Variants in NLRP2 observed in about 807,000 individuals in gnomAD.
The protein encoded by NLRP2 is NACHT, LRR and PYD domains-containing protein 2.
In NLRP2, 107 loss-of-function variants were observed where a neutral mutation model predicts 97.2. That is an observed-to-expected ratio of 1.10 (90% CI 0.94 to 1.29). The LOEUF (loss-of-function observed/expected upper bound fraction) is 1.29. NLRP2 is among the 50% of genes most tolerant of loss of function. The pLI, the probability that NLRP2 is intolerant of heterozygous loss-of-function variation, is 0.00. For missense variants in NLRP2, 1,495 were observed against 1,330.3 expected (o/e 1.12, Z -1.93); for synonymous variants, 663 against 551.5 (o/e 1.20, Z -2.83).
Position 55,000,947 on chromosome 19 carries a change from T to TTGG in NLRP2, c.*52_*54dup. 14 of 1,587,532 alleles carry TTGG rather than the reference T, an allele frequency of 8.8e-6. No homozygotes were observed. Among genetic ancestry groups the TTGG allele is most frequent in the Non-Finnish European group, 1.2e-5 (14 of 1,157,134 alleles). ...CATGAAGTCATCGATTTTCCAGGTG[T>TTGG]TGGTGAACTGCCTGTGACTCCTCTC... On this transcript the variant is annotated 3_prime_UTR_variant, in exon 13 of 13. Transcript: ENST00000448584.
At chr19:54,968,025 TCTCGTGC>T (rs1159892681) in intron 1 of NLRP2, among the ~76,000 whole-genome samples, 3 of 150,800 alleles carry the variant, frequency 2.0e-5, no homozygotes, top group Non-Finnish European at 4.4e-5. Flanking sequence ...TTCAAGCAAT[TCTCGTGC>T]CTCAGCCTTC....
Position 54,976,056 on chromosome 19 carries a change from C to CT in NLRP2, c.325+1523dup, listed in dbSNP as rs75652002. On this transcript the variant is annotated intron_variant, in intron 3 of 12. Transcript: ENST00000448584. ...GATTCACCACACCTGGCCATGAAGA[C>CT]TTTTTTTTTTTGGACAAAGTCTCAC... 9.0e-3 allele frequency among the ~76,000 whole-genome samples: 1,334 copies of CT among 148,514 alleles called. 6 individuals are homozygous for CT. Among genetic ancestry groups the CT allele is most frequent in the African/African-American group, 0.011 (461 of 40,494 alleles).
intron 10 of NLRP2, among the ~76,000 whole-genome samples, chr19:54,991,900 C>T (rs190659677): frequency 2.1e-5 from 3 of 143,494 alleles, no homozygotes; most frequent in Admixed American, 7.1e-5. Flanking sequence ...TTCAGAGATT[C>T]GATTTTATGT....
At chr19:54,970,770 C>CTTTTTTTTTTTTTTTTTTTTCT (rs34406686) in intron 2 of NLRP2, among the ~76,000 whole-genome samples, 1 of 108,474 alleles carries the variant, frequency 9.2e-6, no homozygotes, top group East Asian at 2.9e-4. Flanking sequence ...CTACCTACTT[C>CTTTTTTTTTTTTTTTTTTTTCT]TTTTTTTTTT....
intron 8 of NLRP2, chr19:54,989,580 C>T: frequency 3.9e-6 from 1 of 259,054 alleles, no homozygotes; most frequent in Non-Finnish European, 7.5e-6. Flanking sequence ...GATGTTGGTG[C>T]CACTGGTCTG....
rs546029935 is a variant in NLRP2, at chr19:54,982,115, G to T, written c.464-47G>T. On this transcript the variant is annotated intron_variant, in intron 5 of 12. Transcript: ENST00000448584. ...TTTGTTATTTTGGTTTTCCCTATGG[G>T]TAACTGATTGCATCCTCTCTCCCTT... The T allele has an allele frequency of 1.4e-5, 23 of 1,612,250 alleles. No homozygotes were observed. The African/African-American group carries it at 2.8e-4, about 20-fold the overall frequency.
Position 54,983,036 on chromosome 19 carries a change from G to A in NLRP2, c.1338G>A (p.Ala446=), listed in dbSNP as rs748908643. The A allele has an allele frequency of 8.7e-6, 14 of 1,610,790 alleles. No individual in the cohort carries two copies. Among genetic ancestry groups the A allele is most frequent in the Admixed American group, 6.7e-5 (4 of 59,886 alleles). The part of the protein sequence containing the change: ...RFPQGAQLRG[A]LRTLSLLAAQ... ...CGCAGGGCGCACAGCTGCGGGGCGC[G>A]CTGCGGACGCTGAGCCTCCTGGCCG... is the stretch of plus-strand genomic sequence containing the variant. Residue 446 remains alanine, a synonymous_variant, in exon 6 of 13, where the codon GCG becomes GCA. Coordinates refer to ENST00000448584, the MANE Select transcript of NLRP2 (RefSeq NM_017852.5).
intron 6 of NLRP2, among the ~76,000 whole-genome samples, chr19:54,984,414 AC>A (rs2071902849): frequency 7.3e-6 from 1 of 137,910 alleles, no homozygotes; most frequent in South Asian, 2.3e-4. Flanking sequence ...CACTGAGATT[AC>A]AGGCATGAGT....
chr19:54,983,861 T>C, intron 6 of NLRP2, 133 bp downstream of exon 6: 2 of 1,361,178 alleles, frequency 1.5e-6, no homozygotes, highest in African/African-American at 1.4e-5. Flanking sequence ...TTTGTTTGTT[T>C]TTGTTTTGAG....
At chr19:54,978,836 A>C (rs1260377168) in intron 4 of NLRP2, among the ~76,000 whole-genome samples, 1 of 141,042 alleles carries the variant, frequency 7.1e-6, no homozygotes, top group Non-Finnish European at 1.5e-5. Flanking sequence ...ACAGTGCGAG[A>C]CTCCATCTTA....
chr19:54,976,055 A>C (rs1377770517), intron 3 of NLRP2, among the ~76,000 whole-genome samples: 1 of 126,866 alleles, frequency 7.9e-6, no homozygotes, highest in Non-Finnish European at 1.7e-5. Context: ...GGCCATGAAG[A>C]CTTTTTTTTT....
At position 54,997,497 on chromosome 19, in the gene NLRP2, A is replaced by G. The variant is rs949788705; in HGVS notation, c.3050+10A>G. 1.2e-6 allele frequency: 2 copies of G among 1,613,934 alleles called. No homozygotes were observed. The highest frequency in any genetic ancestry group is 3.3e-5 in the Admixed American group (2 of 59,992). ...CCCTCCGGACACTCAGGTATGATCC[A>G]TTTACTTCCCCATCAGGCTTTCTCC... is the stretch of plus-strand genomic sequence containing the variant. On this transcript the variant is annotated intron_variant, in intron 12 of 12. Coordinates refer to ENST00000448584, the MANE Select transcript of NLRP2 (RefSeq NM_017852.5).
Position 54,997,382 on chromosome 19 carries a change from A to G in NLRP2, c.2945A>G (p.Gln982Arg), listed in dbSNP as rs752280342. Residue 982 changes from glutamine to arginine, a missense_variant, in exon 12 of 13, where the codon CAG (glutamine) becomes CGG (arginine). Physicochemically the swap from Gln to Arg is conservative, Grantham distance 43. Transcript: ENST00000448584. ...EDLCSALSCN[Q>R]SLVTLDLGQN... ...CTCTGCTCTGCCCTCAGCTGCAACC[A>G]GAGCCTCGTCACTCTGGACCTGGGT... 7 of 1,614,214 alleles carry G rather than the reference A, an allele frequency of 4.3e-6. No individual in the cohort carries two copies. The highest frequency in any genetic ancestry group is 1.7e-4 in the Middle Eastern group (1 of 6,054).
chr19:54,984,329 G>GT (rs200366059), intron 6 of NLRP2, among the ~76,000 whole-genome samples: 4,623 of 79,546 alleles, frequency 0.058, 198 homozygotes, highest in South Asian at 0.086. Context: ...TTTTTTTTGT[G>GT]TTTTTTTTTT....
upstream of NLRP2, among the ~76,000 whole-genome samples, chr19:54,965,570 C>T (rs2070337281): frequency 1.3e-5 from 1 of 74,354 alleles, no homozygotes; most frequent in Non-Finnish European, 2.7e-5. Flanking sequence ...ATTCTCCTGC[C>T]TCAGCCTCCC....
In NLRP2 at chr19:54,982,654, G is replaced by A; in HGVS notation, c.956G>A (p.Gly319Glu). The change falls in exon 6 of 13, where the codon GGG becomes GAG. Residue 319 changes from glycine (G) to glutamate (E), a missense_variant. Transcript: ENST00000448584. ...AAGAAGCCGGTGCCCGTCCTCCTGG[G>A]GAGTTTGCTGAACAGGGTGATGTTA... ...EKKKPVPVLLGSLLNRVMLPK... is the reference protein window; with the variant it reads ...EKKKPVPVLLESLLNRVMLPK... 10 of 1,614,144 alleles carry A rather than the reference G, an allele frequency of 6.2e-6. No homozygotes were observed. Among genetic ancestry groups the A allele is most frequent in the Non-Finnish European group, 8.5e-6 (10 of 1,180,028 alleles).
Position 54,997,363 on chromosome 19 carries a change from T to C in NLRP2, c.2926T>C (p.Ser976Pro), listed in dbSNP as rs1169674784. The C allele has an allele frequency of 1.2e-6, 2 of 1,614,054 alleles. No individual in the cohort carries two copies. Among genetic ancestry groups the C allele is most frequent in the African/African-American group, 2.7e-5 (2 of 74,936 alleles). The stretch of plus-strand genomic sequence containing the variant: ...TCCGTTCAGTTGTGAAGACCTCTGC[T>C]CTGCCCTCAGCTGCAACCAGAGCCT... ...IPPFSCEDLC[S>P]ALSCNQSLVT... Residue 976 changes from serine to proline, a missense_variant, in exon 12 of 13, where the codon TCT (serine) becomes CCT (proline). Coordinates refer to ENST00000448584, the MANE Select transcript of NLRP2 (RefSeq NM_017852.5).
Position 55,000,978 on chromosome 19 carries a change from C to A in NLRP2, c.*80C>A, listed in dbSNP as rs1427506627. 7 of 1,315,656 alleles carry A rather than the reference C, an allele frequency of 5.3e-6. No individual in the cohort carries two copies. The highest frequency in any genetic ancestry group is 4.7e-5 in the South Asian group (4 of 85,004). 81.5% of individuals were successfully genotyped at this position (1,315,656 alleles called of 1,614,324 possible). A position where few individuals can be genotyped will look rare whatever the true frequency, so the allele number is the denominator to read the frequency against. On this transcript the variant is annotated 3_prime_UTR_variant, in exon 13 of 13. Transcript: ENST00000448584. Reference sequence around the variant, plus strand: ...AACTGCCTGTGACTCCTCTCCTCCCCGGCCCCTACCCCTCAGGGATAATGA... The same window carrying A: ...AACTGCCTGTGACTCCTCTCCTCCCAGGCCCCTACCCCTCAGGGATAATGA...
At chr19:54,969,963 C>T (rs973787801) in intron 1 of NLRP2, 36 bp from the exon 2 acceptor site, 201 of 1,598,968 alleles carry the variant, frequency 1.3e-4, no homozygotes, top group Non-Finnish European at 1.6e-4. Flanking sequence ...TGCTAATCAC[C>T]ATCCCTCTCC....
Sources: allele counts gnomAD v4.1 joint callset (sites outside exome capture counted in the v4.1 genomes callset), GRCh38; gene constraint gnomAD v4.1.1; transcripts MANE v1.5; gene names NCBI Gene and HGNC (gene_info 2026-07-23, HGNC 2026-07-21).